Variants in MAML2 observed in about 807,000 individuals in gnomAD.
The protein encoded by MAML2 is mastermind-like protein 2.
A neutral mutation model predicts 96.1 loss-of-function variants in MAML2; 22 were observed. The ratio of observed to expected loss-of-function variants is 0.23; its 90% CI spans 0.16 to 0.33. The LOEUF (loss-of-function observed/expected upper bound fraction) is 0.33, where lower values mean the gene tolerates loss of function less well. Among genes scored for constraint, MAML2 ranks in the 10% least tolerant of loss-of-function variants. The pLI, the probability that MAML2 is intolerant of heterozygous loss-of-function variation, is 1.00. For synonymous variants in MAML2, 561 were observed against 521.3 expected (o/e 1.08, Z -1.04); for missense variants, 1,367 against 1,392.4 (o/e 0.98, Z 0.29).
chr11:96,229,321 G>C (rs965355044), intron 1 of MAML2, among the ~76,000 whole-genome samples: 2 of 151,568 alleles, frequency 1.3e-5, no homozygotes, highest in Admixed American at 1.3e-4. Context: ...CCATTTTCTA[G>C]AACAGCAATT....
At position 96,092,685 on chromosome 11, in the gene MAML2, A is replaced by G. The variant is rs779238186; in HGVS notation, c.1346T>C (p.Met449Thr). 4 of 1,614,002 alleles carry G rather than the reference A, an allele frequency of 2.5e-6. No homozygotes were observed. The South Asian group carries it at 3.3e-5, about 13-fold the overall frequency. ...IAANRQQHAR[M>T]QQHQQQHQPT... is the part of the protein sequence containing the mutation. ...CTGGTGCTGCTGCTGGTGCTGCTGC[A>G]TCCGGGCATGCTGCTGACGATTAGC... Residue 449 changes from methionine (M) to threonine (T), a missense_variant, in exon 2 of 5, where the codon ATG becomes ACG. Transcript: ENST00000524717. The surrounding 1 kb of genome is among the most constrained non-coding windows in gnomAD (Gnocchi z 4.1).
At chr11:96,117,462 A>AT (rs981734325) in intron 1 of MAML2, among the ~76,000 whole-genome samples, 37 of 150,496 alleles carry the variant, frequency 2.5e-4, no homozygotes, top group African/African-American at 7.1e-4. Context: ...CACCCAGCTG[A>AT]TTTTTTTTTG....
chr11:96,076,225 G>A (rs566357217), intron 2 of MAML2, among the ~76,000 whole-genome samples: 1 of 152,304 alleles, frequency 6.6e-6, no homozygotes, highest in South Asian at 2.1e-4. Flanking sequence ...TATGAATGGT[G>A]TGCATCATGT....
intron 1 of MAML2, among the ~76,000 whole-genome samples, chr11:96,180,535 C>T (rs1861467544): frequency 3.9e-5 from 6 of 152,182 alleles, no homozygotes; most frequent in Admixed American, 3.9e-4. Context: ...CAACAGCCAG[C>T]AGCAACCACT....
At chr11:96,246,367 A>G (rs1862512547) in intron 1 of MAML2, among the ~76,000 whole-genome samples, 1 of 152,094 alleles carries the variant, frequency 6.6e-6, no homozygotes. Context: ...CAAATCCCTG[A>G]AGTTCTGAAA....
chr11:96,138,916 C>T (rs1425925828), intron 1 of MAML2, among the ~76,000 whole-genome samples: 1 of 152,120 alleles, frequency 6.6e-6, no homozygotes, highest in Non-Finnish European at 1.5e-5. Context: ...CCATAAAATG[C>T]TGGTAAGAAA....
Position 96,321,982 on chromosome 11 carries a change from T to C in MAML2, c.513+19401A>G, listed in dbSNP as rs946842892. 5.9e-5 allele frequency among the ~76,000 whole-genome samples: 9 copies of C among 152,288 alleles called. No individual in the cohort carries two copies. The South Asian group carries it at 1.0e-3, about 18-fold the overall frequency. On this transcript the variant is annotated intron_variant, in intron 1 of 4. Transcript: ENST00000524717. ...GTTGTTGTTGTTGTTTTTTTCCTTATAGCAACTTTTCAACAGCTAAATTGC... is the reference window on the plus strand; with the variant it reads ...GTTGTTGTTGTTGTTTTTTTCCTTACAGCAACTTTTCAACAGCTAAATTGC...
At chr11:96,033,288 C>G (rs1858648112) in intron 2 of MAML2, among the ~76,000 whole-genome samples, 1 of 152,182 alleles carries the variant, frequency 6.6e-6, no homozygotes, top group Non-Finnish European at 1.5e-5. Context: ...TCTACTTCCA[C>G]TTTTGCAACA....
At chr11:96,319,220 G>A (rs1051828580) in intron 1 of MAML2, among the ~76,000 whole-genome samples, 1 of 152,152 alleles carries the variant, frequency 6.6e-6, no homozygotes, top group African/African-American at 2.4e-5. Context: ...ACAGCCATGG[G>A]AGTGAACTTG....
At chr11:96,028,473 A>T (rs1480694342) in intron 2 of MAML2, among the ~76,000 whole-genome samples, 1 of 152,190 alleles carries the variant, frequency 6.6e-6, no homozygotes, top group Non-Finnish European at 1.5e-5. Flanking sequence ...GACACTCATC[A>T]GGCTTTTTTC....
chr11:96,113,582 T>C lies in MAML2; in HGVS notation c.514-20065A>G, dbSNP rs142956409. Among the ~76,000 whole-genome samples, 438 of 148,598 alleles carry C rather than the reference T, an allele frequency of 2.9e-3. 3 individuals carry two copies. The highest frequency in any genetic ancestry group is 0.011 in the African/African-American group (423 of 40,188). On this transcript the variant is annotated intron_variant, in intron 1 of 4. Transcript: ENST00000524717. ...TGAACAGCTTTTACTCTGCTCCTAATGTTTCTCCATCCCCGTTGTTTGAAA... is the reference window on the plus strand; with the variant it reads ...TGAACAGCTTTTACTCTGCTCCTAACGTTTCTCCATCCCCGTTGTTTGAAA...
intron 1 of MAML2, among the ~76,000 whole-genome samples, chr11:96,291,238 G>A (rs368702305): frequency 6.9e-6 from 1 of 144,754 alleles, no homozygotes. Context: ...CAATTCTCCT[G>A]CCTCAGCCTC....
chr11:95,984,670 A>G (rs1214035608), intron 4 of MAML2, among the ~76,000 whole-genome samples: 2 of 152,216 alleles, frequency 1.3e-5, no homozygotes, highest in African/African-American at 4.8e-5. Context: ...TTAAAAGTAC[A>G]CTTAACAGTA....
At chr11:96,193,498 C>T (rs1861686559) in intron 1 of MAML2, among the ~76,000 whole-genome samples, 1 of 152,166 alleles carries the variant, frequency 6.6e-6, no homozygotes, top group Non-Finnish European at 1.5e-5. Flanking sequence ...TAAAGATATG[C>T]TGATAGATTT....
chr11:95,980,310 A>G (rs1857718056), intron 4 of MAML2, among the ~76,000 whole-genome samples: 1 of 152,174 alleles, frequency 6.6e-6, no homozygotes, highest in African/African-American at 2.4e-5. Context: ...CAGAGACTAC[A>G]GTCTTGATTA....
intron 1 of MAML2, among the ~76,000 whole-genome samples, chr11:96,137,154 G>A (rs1434352926): frequency 2.0e-5 from 3 of 152,174 alleles, no homozygotes; most frequent in Non-Finnish European, 4.4e-5. Context: ...AAAAGGGAAG[G>A]AAATGTTGCA....
intron 2 of MAML2, among the ~76,000 whole-genome samples, chr11:96,011,034 A>G (rs1858257766): frequency 6.6e-6 from 1 of 152,184 alleles, no homozygotes; most frequent in African/African-American, 2.4e-5. Flanking sequence ...ACTATTTCTC[A>G]TCAGTCAGAA....
At chr11:96,113,459 C>G (rs148568454) in intron 1 of MAML2, among the ~76,000 whole-genome samples, 2 of 151,760 alleles carry the variant, frequency 1.3e-5, no homozygotes, top group African/African-American at 4.8e-5. Context: ...TGATTTACCC[C>G]CTCAATTTAA....
At chr11:96,263,992 T>A (rs1234015481) in intron 1 of MAML2, among the ~76,000 whole-genome samples, 1 of 152,216 alleles carries the variant, frequency 6.6e-6, no homozygotes, top group Non-Finnish European at 1.5e-5. Flanking sequence ...TAGAAATCAC[T>A]CTGAAATAAA....
Sources: gnomAD v4.1 joint callset for allele counts (sites outside exome capture counted in the v4.1 genomes callset) on GRCh38, gnomAD v4.1.1 for gene constraint, Gnocchi (gnomAD v3.1) non-coding constraint, MANE v1.5 for transcripts, NCBI Gene and HGNC (gene_info 2026-07-23, HGNC 2026-07-21) for gene names.